Variants in CNTN5 observed in about 807,000 individuals in gnomAD.
The protein encoded by CNTN5 is contactin 5.
CNTN5 carries 77 observed loss-of-function variants against 129.1 expected under a neutral mutation model. The observed-to-expected ratio is 0.60, with a 90% CI of 0.50 to 0.72. The LOEUF is 0.72. CNTN5 is among the 30% of genes least tolerant of loss of function. The probability of loss-of-function intolerance (pLI) is 0.00; values close to 1 mark genes in which losing one functional copy is unlikely to be tolerated. For synonymous variants in CNTN5, 509 were observed against 465.6 expected, an observed-to-expected ratio of 1.09 and a Z score of -1.20; for missense variants, 1,478 against 1,328.8, an observed-to-expected ratio of 1.11 and a Z score of -1.75.
At chr11:99,504,329 G>T (rs1591177353) in intron 2 of CNTN5, among the ~76,000 whole-genome samples, 1 of 151,890 alleles carries the variant, frequency 6.6e-6, no homozygotes, top group South Asian at 2.1e-4. Context: ...CATCATGAGG[G>T]CAGGAGATCG....
chr11:99,146,595 C>CAAATAGTATTA (rs1859796449), intron 1 of CNTN5, among the ~76,000 whole-genome samples: 2 of 152,062 alleles, frequency 1.3e-5, no homozygotes, highest in African/African-American at 2.4e-5. Context: ...AATCAACACC[C>CAAATAGTATTA]AATCCTTGTT....
rs193149160 is a variant in CNTN5, at chr11:99,109,101, C to T, written c.-210+87831C>T. On this transcript the variant is annotated intron_variant, in intron 1 of 24. Coordinates refer to ENST00000524871, the MANE Select transcript of CNTN5 (RefSeq NM_014361.4). ...ATATCTATATGTATATACACATATA[C>T]ACATAGTATATGTACATGTCTATAT... Among the ~76,000 whole-genome samples the T allele has an allele frequency of 2.2e-3, 340 of 151,278 alleles. 1 individual carries two copies. Among genetic ancestry groups the T allele is most frequent in the African/African-American group, 7.9e-3 (327 of 41,278 alleles).
intron 9 of CNTN5, among the ~76,000 whole-genome samples, chr11:100,033,666 C>T (rs756041618): frequency 1.2e-4 from 19 of 152,130 alleles, no homozygotes; most frequent in Non-Finnish European, 2.2e-4. Flanking sequence ...TGTCTATATG[C>T]CTCTACTCAA....
chr11:99,999,846 T>C (rs1939742364), intron 8 of CNTN5, among the ~76,000 whole-genome samples: 1 of 152,118 alleles, frequency 6.6e-6, no homozygotes, highest in Non-Finnish European at 1.5e-5. Flanking sequence ...GATGAGTTCA[T>C]GTCCTTTGTA....
chr11:99,237,114 G>A (rs1042359397), intron 1 of CNTN5, among the ~76,000 whole-genome samples: 2 of 151,596 alleles, frequency 1.3e-5, no homozygotes, highest in Non-Finnish European at 2.9e-5. Flanking sequence ...ATTTTTAGGA[G>A]TTTTTTAATT....
intron 2 of CNTN5, among the ~76,000 whole-genome samples, chr11:99,462,597 G>A (rs562616277): frequency 2.4e-4 from 37 of 152,166 alleles, no homozygotes; most frequent in Non-Finnish European, 4.1e-4. Flanking sequence ...AAACAAGACC[G>A]TAATAATGCC....
At chr11:99,190,376 ATTTAGGGTCT>A (rs1213170029) in intron 1 of CNTN5, among the ~76,000 whole-genome samples, 2 of 151,490 alleles carry the variant, frequency 1.3e-5, no homozygotes, top group African/African-American at 4.8e-5. Context: ...TGCTTTGTCT[ATTTAGGGTCT>A]TTTGTAGTTC....
At chr11:99,468,933 G>A (rs764786138) in intron 2 of CNTN5, among the ~76,000 whole-genome samples, 38 of 151,988 alleles carry the variant, frequency 2.5e-4, no homozygotes, top group Non-Finnish European at 4.4e-4. Flanking sequence ...TGTGAAACTA[G>A]GATTAACGGA....
At chr11:99,248,496 G>C (rs1861933581) in intron 1 of CNTN5, among the ~76,000 whole-genome samples, 1 of 152,024 alleles carries the variant, frequency 6.6e-6, no homozygotes, top group South Asian at 2.1e-4. Context: ...TTTGGCTTTT[G>C]TTGCCATTGC....
chr11:100,336,077 A>G (rs1436816487), intron 21 of CNTN5, among the ~76,000 whole-genome samples: 1 of 152,214 alleles, frequency 6.6e-6, no homozygotes, highest in Non-Finnish European at 1.5e-5. Context: ...TCTCTGTTAT[A>G]TAAATAAAGA....
At chr11:99,811,570 A>C (rs1294756264) in intron 3 of CNTN5, among the ~76,000 whole-genome samples, 3 of 151,356 alleles carry the variant, frequency 2.0e-5, no homozygotes, top group Non-Finnish European at 4.4e-5. Context: ...CCTTTTATTT[A>C]ATGGAAAAGA....
chr11:100,309,647 G>T (rs537364859), intron 21 of CNTN5: 1 of 983,958 alleles, frequency 1.0e-6, no homozygotes, highest in East Asian at 1.1e-4. Context: ...CTCAGCAAAT[G>T]ATAATATATA....
chr11:99,712,015 T>A (rs1213815988), intron 3 of CNTN5, among the ~76,000 whole-genome samples: 3 of 152,082 alleles, frequency 2.0e-5, no homozygotes, highest in African/African-American at 7.2e-5. Flanking sequence ...AATGGCTAGG[T>A]CAAATGGTAC....
chr11:99,978,052 C>T lies in CNTN5; in HGVS notation c.877+21043C>T, dbSNP rs1041206573. ...GTGGTCTCATGACATTATAATGGAA[C>T]TGAGAATTCCAGTCGCCTAGTGACT... On this transcript the variant is annotated intron_variant, in intron 8 of 24. Transcript: ENST00000524871. Among the ~76,000 whole-genome samples, 8 of 152,286 alleles carry T rather than the reference C, an allele frequency of 5.3e-5. No individual in the cohort carries two copies. In the South Asian group the frequency reaches 1.7e-3, roughly 32 times the overall value.
intron 1 of CNTN5, among the ~76,000 whole-genome samples, chr11:99,166,198 C>T (rs1243899854): frequency 2.6e-5 from 4 of 151,870 alleles, no homozygotes; most frequent in Non-Finnish European, 4.4e-5. Context: ...ATCAGGAGAT[C>T]GAGACTATCC....
intron 3 of CNTN5, among the ~76,000 whole-genome samples, chr11:99,684,428 T>TA (rs148169758): frequency 0.077 from 11,678 of 151,964 alleles, 655 homozygotes; most frequent in Non-Finnish European, 0.11. Context: ...TGTACAAAGT[T>TA]AAAATCCTTC....
intron 2 of CNTN5, among the ~76,000 whole-genome samples, chr11:99,374,760 A>G (rs1940057296): frequency 6.6e-6 from 1 of 152,190 alleles, no homozygotes; most frequent in East Asian, 1.9e-4. Context: ...AAATGAGTGT[A>G]AAAGAGATAT....
intron 1 of CNTN5, among the ~76,000 whole-genome samples, chr11:99,269,131 G>A (rs903507086): frequency 2.6e-5 from 4 of 151,934 alleles, no homozygotes; most frequent in African/African-American, 9.7e-5. Context: ...GCACCATGAT[G>A]TTGGGTGTGG....
At chr11:100,248,200 T>A (rs542264141) in intron 16 of CNTN5, among the ~76,000 whole-genome samples, 1 of 152,306 alleles carries the variant, frequency 6.6e-6, no homozygotes, top group African/African-American at 2.4e-5. Context: ...AAGACCTGTT[T>A]AATGTTTTGA....
Sources: allele counts gnomAD v4.1 joint callset (sites outside exome capture counted in the v4.1 genomes callset), GRCh38; gene constraint gnomAD v4.1.1; transcripts MANE v1.5; gene names NCBI Gene and HGNC (gene_info 2026-07-23, HGNC 2026-07-21).